COL11A1: variants seen among roughly 807,000 people sequenced by gnomAD.
COL11A1 encodes collagen alpha-1(XI) chain.
In COL11A1, 74 loss-of-function variants were observed where a neutral mutation model predicts 265.2. That is an observed-to-expected ratio of 0.28 (90% CI 0.23 to 0.34). The LOEUF (loss-of-function observed/expected upper bound fraction) is 0.34. Ranked by LOEUF, COL11A1 falls within the 10% of genes least tolerant of loss-of-function variation. The probability of loss-of-function intolerance (pLI) is 1.00; values close to 1 mark genes in which losing one functional copy is unlikely to be tolerated. For missense variants in COL11A1, 2,165 were observed against 2,263.6 expected, an observed-to-expected ratio of 0.96 and a Z score of 0.88; for synonymous variants, 816 against 727.6, an observed-to-expected ratio of 1.12 and a Z score of -1.96.
chr1:103,072,515 T>A (rs1671671971), intron 4 of COL11A1, among the ~76,000 whole-genome samples: 1 of 151,852 alleles, frequency 6.6e-6, no homozygotes, highest in African/African-American at 2.4e-5. Flanking sequence ...TCAGTTTAAA[T>A]TCTATGTGTT....
chr1:102,998,567 T>C (rs1055882720), intron 24 of COL11A1, among the ~76,000 whole-genome samples: 6 of 151,932 alleles, frequency 3.9e-5, no homozygotes, highest in Non-Finnish European at 7.4e-5. Flanking sequence ...GTCAAAGGTA[T>C]GCTAGGTTTT....
At chr1:102,885,953 T>A (rs1266324486) in intron 63 of COL11A1, among the ~76,000 whole-genome samples, 2 of 152,122 alleles carry the variant, frequency 1.3e-5, no homozygotes, top group Non-Finnish European at 1.5e-5. Flanking sequence ...CTTTTTTTTA[T>A]GCTGGCTGTT....
chr1:102,987,441 A>T (rs1261970235), intron 30 of COL11A1, among the ~76,000 whole-genome samples, 192 bp downstream of exon 30: 1 of 151,612 alleles, frequency 6.6e-6, no homozygotes, highest in Non-Finnish European at 1.5e-5. Flanking sequence ...TACTTTCTGG[A>T]GGCAAATTTT....
chr1:103,005,474 G>C (rs1665509638), intron 18 of COL11A1, among the ~76,000 whole-genome samples: 1 of 152,004 alleles, frequency 6.6e-6, no homozygotes, highest in Admixed American at 6.6e-5. Context: ...CTTCTTTTGA[G>C]TATATGTCCA....
At chr1:102,888,028 G>A (rs1277810245) in intron 62 of COL11A1, among the ~76,000 whole-genome samples, 1 of 152,012 alleles carries the variant, frequency 6.6e-6, no homozygotes, top group African/African-American at 2.4e-5. Context: ...ACTTTGCTAT[G>A]GTAGCCCTAG....
chr1:102,972,076 A>G (rs1662027904), intron 36 of COL11A1, among the ~76,000 whole-genome samples: 1 of 152,236 alleles, frequency 6.6e-6, no homozygotes, highest in African/African-American at 2.4e-5. Flanking sequence ...ATTGAGGTCC[A>G]GTTTTACAAA....
rs1437908738 is a variant in COL11A1, at chr1:103,002,736, T to C, written c.2043+11A>G. The C allele has an allele frequency of 4.3e-6, 7 of 1,609,772 alleles. No individual in the cohort carries two copies. The South Asian group carries it at 6.6e-5, about 15-fold the overall frequency. ...CAAATATGAGTTATTTTATCACTAT[T>C]TGCTACATACCATGTTCCCTTTTGG... is the stretch of plus-strand genomic sequence containing the variant. On this transcript the variant is annotated intron_variant, in intron 22 of 66. Transcript: ENST00000370096.
chr1:103,036,092 A>G (rs1668345183), intron 4 of COL11A1, among the ~76,000 whole-genome samples: 1 of 151,526 alleles, frequency 6.6e-6, no homozygotes, highest in African/African-American at 2.4e-5. Flanking sequence ...GAGTAATGGA[A>G]TCACTGAGGG....
Position 103,050,352 on chromosome 1 carries a change from C to A in COL11A1, c.652-19108G>T, listed in dbSNP as rs578225176. Among the ~76,000 whole-genome samples, 690 of 152,248 alleles carry A rather than the reference C, an allele frequency of 4.5e-3. 6 individuals are homozygous for A. The highest frequency in any genetic ancestry group is 0.016 in the African/African-American group (654 of 41,534). The stretch of plus-strand genomic sequence containing the variant: ...TCTTCTCACTTCATTTCATTCATTT[C>A]ATCTTCCATCACTGATACCCTTTCT... On this transcript the variant is annotated intron_variant, in intron 4 of 66. Transcript: ENST00000370096.
Position 102,883,264 on chromosome 1 carries a change from T to G in COL11A1, c.4906A>C (p.Lys1636Gln), listed in dbSNP as rs886044973. ...CCAGATGTGAAATTACAGTAAACTT[T>G]GAAGGAATCTCCTGAGCAACCTTGG... Reference protein sequence around the residue: ...PNQGCSGDSFKVYCNFTSGGE... With the variant: ...PNQGCSGDSFQVYCNFTSGGE... The change falls in exon 64 of 67, where the codon AAA (lysine) becomes CAA (glutamine). Residue 1636 changes from lysine to glutamine, a missense_variant. By Grantham distance (53) the Lys-to-Gln change is moderately conservative. Coordinates refer to ENST00000370096, the MANE Select transcript of COL11A1 (RefSeq NM_001854.4). 13 of 1,613,586 alleles carry G rather than the reference T, an allele frequency of 8.1e-6. No homozygotes were observed. Among genetic ancestry groups the G allele is most frequent in the Non-Finnish European group, 1.1e-5 (13 of 1,179,766 alleles).
At chr1:102,923,791 G>A (rs1656259294) in intron 46 of COL11A1, among the ~76,000 whole-genome samples, 1 of 151,756 alleles carries the variant, frequency 6.6e-6, no homozygotes. Context: ...GTACCAGTCT[G>A]GTAAAATAAA....
At chr1:103,006,022 GT>G in intron 17 of COL11A1, 45 bp downstream of exon 17, 1 of 1,611,920 alleles carries the variant, frequency 6.2e-7, no homozygotes. Flanking sequence ...ATTTTCCAGA[GT>G]GAACTGACAC....
At chr1:102,893,524 T>C (rs1398294581) in intron 57 of COL11A1, among the ~76,000 whole-genome samples, 1 of 152,142 alleles carries the variant, frequency 6.6e-6, no homozygotes, top group Non-Finnish European at 1.5e-5. Flanking sequence ...ATTCTAACTA[T>C]ACATATTTTC....
At chr1:102,913,479 G>T (rs1654940188) in intron 53 of COL11A1, among the ~76,000 whole-genome samples, 158 bp downstream of exon 53, 1 of 152,010 alleles carries the variant, frequency 6.6e-6, no homozygotes, top group Non-Finnish European at 1.5e-5. Context: ...ATGTAAGATT[G>T]ATTTTTAATG....
intron 1 of COL11A1, among the ~76,000 whole-genome samples, chr1:103,107,277 C>G (rs1355418246): frequency 6.6e-6 from 1 of 151,772 alleles, no homozygotes; most frequent in Non-Finnish European, 1.5e-5. Flanking sequence ...ACCCACACCC[C>G]CTCCCCTTCC....
intron 1 of COL11A1, among the ~76,000 whole-genome samples, chr1:103,094,471 C>G (rs183855396): frequency 5.3e-5 from 8 of 152,042 alleles, no homozygotes; most frequent in Admixed American, 5.2e-4. Context: ...TACAAAAAAG[C>G]AAAAAGTCAG....
At chr1:103,001,849 G>T in intron 24 of COL11A1, 76 bp downstream of exon 24, 2 of 1,329,462 alleles carry the variant, frequency 1.5e-6, no homozygotes, top group Non-Finnish European at 2.2e-6. Context: ...AAAACAGAAG[G>T]CAGACCTTAT....
chr1:102,946,413 C>T (rs543753449), intron 42 of COL11A1, among the ~76,000 whole-genome samples: 8 of 151,952 alleles, frequency 5.3e-5, no homozygotes, highest in African/African-American at 1.9e-4. Context: ...CACTGGCGAT[C>T]GGAGCTCAGA....
intron 4 of COL11A1, among the ~76,000 whole-genome samples, chr1:103,073,311 T>A (rs561027042): frequency 6.6e-6 from 1 of 152,000 alleles, no homozygotes; most frequent in South Asian, 2.1e-4. Flanking sequence ...AAGGTGTGGG[T>A]TACAAAAATA....
Sources: allele counts gnomAD v4.1 joint callset (sites outside exome capture counted in the v4.1 genomes callset), GRCh38; gene constraint gnomAD v4.1.1; transcripts MANE v1.5; gene names NCBI Gene and HGNC (gene_info 2026-07-23, HGNC 2026-07-21).